The following NSD3 variants were observed in gnomAD, a reference collection of about 807,000 sequenced individuals.
NSD3 encodes the protein histone-lysine N-methyltransferase NSD3.
In NSD3, 24 loss-of-function variants were observed where a neutral mutation model predicts 160.8. That is an observed-to-expected ratio of 0.15 (90% CI 0.11 to 0.21). NSD3 has a LOEUF of 0.21. NSD3 is among the 10% of genes least tolerant of loss of function. The pLI, the probability that NSD3 is intolerant of heterozygous loss-of-function variation, is 1.00. For synonymous variants in NSD3, 520 were observed against 600.0 expected (o/e 0.87, Z 1.95); for missense variants, 1,157 against 1,735.9 (o/e 0.67, Z 5.93).
chr8:38,325,128 C>G (rs147347567), intron 7 of NSD3, among the ~76,000 whole-genome samples: 41 of 152,288 alleles, frequency 2.7e-4, no homozygotes, highest in Middle Eastern at 3.4e-3. Context: ...GCTGGTCAGT[C>G]AGAAGCTCTG....
intron 1 of NSD3, among the ~76,000 whole-genome samples, chr8:38,369,574 T>C (rs1027959331): frequency 1.3e-5 from 2 of 152,196 alleles, no homozygotes; most frequent in African/African-American, 2.4e-5. Flanking sequence ...TTTTCTTCTA[T>C]TAAAAAAGTT....
At chr8:38,275,946 C>A in intron 23 of NSD3, 64 bp from the exon 24 acceptor site, 2 of 1,426,384 alleles carry the variant, frequency 1.4e-6, no homozygotes, top group South Asian at 2.6e-5. Flanking sequence ...CTTGATTACC[C>A]ATGAAAAACC....
At chr8:38,332,430 C>A (rs1160620365) in intron 4 of NSD3, among the ~76,000 whole-genome samples, 1 of 152,144 alleles carries the variant, frequency 6.6e-6, no homozygotes, top group South Asian at 2.1e-4. Context: ...AGCCACTGCG[C>A]CTGCATCTCA....
intron 19 of NSD3, among the ~76,000 whole-genome samples, chr8:38,282,368 T>C (rs1585852405): frequency 6.6e-6 from 1 of 152,172 alleles, no homozygotes; most frequent in South Asian, 2.1e-4. Flanking sequence ...CTCTAGAATT[T>C]TGTCATTTCA....
intron 1 of NSD3, among the ~76,000 whole-genome samples, chr8:38,366,021 G>A (rs1489589188): frequency 6.9e-6 from 1 of 145,496 alleles, no homozygotes; most frequent in Non-Finnish European, 1.5e-5. Context: ...TGAGGCATGA[G>A]AATCATTTGA....
chr8:38,318,529 A>C lies in NSD3; in HGVS notation c.1855+366T>G, dbSNP rs577925240. On this transcript the variant is annotated intron_variant, in intron 9 of 23. Transcript: ENST00000317025. This position sits in a 1 kb window ranked among gnomAD's most constrained non-coding sequence, Gnocchi z 5.3. ...TGTCTTGTCTGATTTGTCATAGTCC[A>C]TGTTTGACAAACATGAATAGCTACT... Among the ~76,000 whole-genome samples, 1 of 152,344 alleles carries C rather than the reference A, an allele frequency of 6.6e-6. No homozygotes were observed. The highest frequency in any genetic ancestry group is 1.9e-4 in the East Asian group (1 of 5,184).
In NSD3 at chr8:38,317,785, T is replaced by C. The variant is rs1035966401; in HGVS notation, c.1855+1110A>G. ...CGAAAAAAAAAAATCATTTGACTGT[T>C]AAAGCAATTGTTCAGAGTCTTGAAG... On this transcript the variant is annotated intron_variant, in intron 9 of 23. Transcript: ENST00000317025. The surrounding 1 kb of genome is among the most constrained non-coding windows in gnomAD (Gnocchi z 5.3). The C allele has an allele frequency of 2.5e-5, 36 of 1,431,106 alleles. No individual in the cohort carries two copies. Among genetic ancestry groups the C allele is most frequent in the Admixed American group, 5.7e-5 (2 of 35,000 alleles). 88.7% of individuals were successfully genotyped at this position (1,431,106 alleles called of 1,614,324 possible).
chr8:38,378,280 C>T (rs1389718889), intron 1 of NSD3, among the ~76,000 whole-genome samples: 1 of 151,936 alleles, frequency 6.6e-6, no homozygotes, highest in Non-Finnish European at 1.5e-5. Context: ...CCAAGGTGGG[C>T]AGATCACGAG....
intron 14 of NSD3, among the ~76,000 whole-genome samples, chr8:38,301,881 A>G (rs377257996): frequency 6.6e-6 from 1 of 152,248 alleles, no homozygotes; most frequent in Non-Finnish European, 1.5e-5. Flanking sequence ...AATGAAAAGA[A>G]AACTCCAGCC....
chr8:38,333,123 T>TA (rs1201529689), intron 4 of NSD3, among the ~76,000 whole-genome samples: 2 of 152,136 alleles, frequency 1.3e-5, no homozygotes, highest in East Asian at 1.9e-4. Context: ...GTATTCAGAT[T>TA]AAAAAAACAT....
chr8:38,269,860 AAATAT>A lies in NSD3; in HGVS notation c.*5776_*5780del. The stretch of plus-strand genomic sequence containing the variant: ...AAAATAAAAAAGGCAACATCTCAGT[AAATAT>A]AATGTACAAAAATTATATGTTCCTA... On this transcript the variant is annotated 3_prime_UTR_variant, in exon 24 of 24. Transcript: ENST00000317025. 1 of 152,370 alleles carries A rather than the reference AAATAT, an allele frequency of 6.6e-6. No homozygotes were observed. The highest frequency in any genetic ancestry group is 1.9e-4 in the East Asian group (1 of 5,190). The allele number at this position is 152,370 out of a possible 1,614,324, so 9.4% of individuals were successfully genotyped here.
At chr8:38,352,276 G>A (rs1327062132) in intron 1 of NSD3, among the ~76,000 whole-genome samples, 4 of 151,954 alleles carry the variant, frequency 2.6e-5, no homozygotes, top group Admixed American at 6.6e-5. Context: ...GTTAGCAAAT[G>A]GAAATGATTT....
intron 2 of NSD3, among the ~76,000 whole-genome samples, chr8:38,344,520 C>G (rs191142283): frequency 7.9e-5 from 12 of 152,232 alleles, no homozygotes; most frequent in Admixed American, 7.9e-4. Context: ...GTGATCCACC[C>G]ACCTCAGCCT....
At chr8:38,358,054 C>A (rs1810867025) in intron 1 of NSD3, among the ~76,000 whole-genome samples, 1 of 151,502 alleles carries the variant, frequency 6.6e-6, no homozygotes, top group African/African-American at 2.4e-5. Flanking sequence ...AACCAAAGAC[C>A]AAAATATATT....
intron 1 of NSD3, among the ~76,000 whole-genome samples, chr8:38,360,855 T>C (rs969964225): frequency 2.0e-5 from 3 of 152,214 alleles, no homozygotes; most frequent in Non-Finnish European, 2.9e-5. Flanking sequence ...TTTTGTATAA[T>C]TACTAACAAC....
chr8:38,315,669 C>G, intron 10 of NSD3, 125 bp from the exon 11 acceptor site: 1 of 1,365,766 alleles, frequency 7.3e-7, no homozygotes, highest in South Asian at 1.4e-5. Context: ...CTTTTTCCTT[C>G]CTTTCTTTCC....
chr8:38,321,071 C>T lies in NSD3; in HGVS notation c.1809+1G>A, dbSNP rs1809787473. 6.2e-7 allele frequency: 1 copy of T among 1,612,828 alleles called. No individual in the cohort carries two copies. The highest frequency in any genetic ancestry group is 8.5e-7 in the Non-Finnish European group (1 of 1,179,744). ...TAACTCTCTACATGTAGGAAGCCAACCTGCTCCTTTTTGATCTTCTTCTTT... is the reference window on the plus strand; with the variant it reads ...TAACTCTCTACATGTAGGAAGCCAATCTGCTCCTTTTTGATCTTCTTCTTT... On this transcript the variant is annotated splice_donor_variant, in intron 8 of 23. Coordinates refer to ENST00000317025, the MANE Select transcript of NSD3 (RefSeq NM_023034.2). LOFTEE classifies it high-confidence loss of function. This position sits in a 1 kb window ranked among gnomAD's most constrained non-coding sequence, Gnocchi z 4.7.
chr8:38,343,815 T>G (rs1259657364), intron 2 of NSD3, among the ~76,000 whole-genome samples: 2 of 152,216 alleles, frequency 1.3e-5, no homozygotes, highest in Non-Finnish European at 2.9e-5. Flanking sequence ...GAACCAAACC[T>G]GCTACCTTAG....
At position 38,288,688 on chromosome 8, in the gene NSD3, G is replaced by A; in HGVS notation, c.3300C>T (p.Cys1100=). ...CACAAGGGTTTTCATCAGCTGGCTT[G>A]CAGTTACAGCGGGGAATCTCTGACA... The part of the protein sequence containing the change: ...ADLSEIPRCN[C]KPADENPCGL... The change falls in exon 19 of 24, where the codon TGC becomes TGT. Residue 1100 remains cysteine (C), a synonymous_variant. Coordinates refer to ENST00000317025, the MANE Select transcript of NSD3 (RefSeq NM_023034.2). This position sits in a 1 kb window ranked among gnomAD's most constrained non-coding sequence, Gnocchi z 4.5. 6.2e-7 allele frequency: 1 copy of A among 1,614,212 alleles called. No homozygotes were observed. Among genetic ancestry groups the A allele is most frequent in the South Asian group, 1.1e-5 (1 of 91,082 alleles).
Sources: allele counts gnomAD v4.1 joint callset (sites outside exome capture counted in the v4.1 genomes callset), GRCh38; gene constraint gnomAD v4.1.1; non-coding constraint Gnocchi (gnomAD v3.1); transcripts MANE v1.5; gene names NCBI Gene and HGNC (gene_info 2026-07-23, HGNC 2026-07-21).